DSP: variants seen among roughly 807,000 people sequenced by gnomAD.
The protein encoded by DSP is desmoplakin, also known as 250/210 kDa paraneoplastic pemphigus antigen.
DSP carries 114 observed loss-of-function variants against 290.6 expected under a neutral mutation model. The observed-to-expected ratio is 0.39, with a 90% CI of 0.34 to 0.46. The LOEUF is 0.46. Ranked by LOEUF, DSP falls within the 20% of genes least tolerant of loss-of-function variation. The probability of loss-of-function intolerance (pLI) is 0.99; values close to 1 mark genes in which losing one functional copy is unlikely to be tolerated. For synonymous variants in DSP, 1,311 were observed against 1,316.4 expected (o/e 1.00, Z 0.09); for missense variants, 3,230 against 3,495.8 (o/e 0.92, Z 1.92).
intron 1 of DSP, among the ~76,000 whole-genome samples, chr6:7,549,975 T>G (rs1758286371): frequency 6.6e-6 from 1 of 151,998 alleles, no homozygotes; most frequent in Non-Finnish European, 1.5e-5. Flanking sequence ...AATATTTGTC[T>G]TGTTTTTTTG....
intron 11 of DSP, 133 bp from the exon 12 acceptor site, chr6:7,569,053 A>T: frequency 8.4e-7 from 1 of 1,188,170 alleles, no homozygotes; most frequent in Non-Finnish European, 1.2e-6. Flanking sequence ...TATGATGATC[A>T]GCTTCATTTG....
chr6:7,584,093 C>T lies in DSP; in HGVS notation c.6831C>T (p.Ala2277=). Residue 2277 remains alanine, a synonymous_variant, in exon 24 of 24, where the codon GCC becomes GCT. Coordinates refer to ENST00000379802, the MANE Select transcript of DSP (RefSeq NM_004415.4). This position sits in a 1 kb window ranked among gnomAD's most constrained non-coding sequence, Gnocchi z 6.4. ...AACAGAAGCTTGGCATTTATGAGGC[C>T]ATGAAAATTGGCTTAGTCCGACCTG... ...TTKQKLGIYE[A]MKIGLVRPGT... 1 of 1,614,078 alleles carries T rather than the reference C, an allele frequency of 6.2e-7. No homozygotes were observed. The highest frequency in any genetic ancestry group is 8.5e-7 in the Non-Finnish European group (1 of 1,180,016).
intron 20 of DSP, 140 bp downstream of exon 20, chr6:7,577,182 A>G (rs944047244): frequency 9.1e-6 from 6 of 656,584 alleles, no homozygotes; most frequent in Admixed American, 3.3e-5. Flanking sequence ...AACAAACCAT[A>G]AAAATTAAAA....
At position 7,582,855 on chromosome 6, in the gene DSP, A is replaced by T. The variant is rs562015789; in HGVS notation, c.5593A>T (p.Asn1865Tyr). Reference protein sequence around the residue: ...CEKQQIQNDLNQWKTQYSRKE... With the variant: ...CEKQQIQNDLYQWKTQYSRKE... Reference sequence around the variant, plus strand: ...GAAACAGCAAATTCAGAATGACCTGAATCAGTGGAAGACTCAATATTCCCG... The same window carrying T: ...GAAACAGCAAATTCAGAATGACCTGTATCAGTGGAAGACTCAATATTCCCG... The change falls in exon 24 of 24, where the codon AAT becomes TAT. Residue 1865 changes from asparagine to tyrosine, a missense_variant. This residue lies in a region of DSP where 1,714 missense variants were observed against 1,844.5 expected (regional missense o/e 0.93). Coordinates refer to ENST00000379802, the MANE Select transcript of DSP (RefSeq NM_004415.4). This position sits in a 1 kb window ranked among gnomAD's most constrained non-coding sequence, Gnocchi z 4.2. 2.2e-4 allele frequency: 353 copies of T among 1,614,142 alleles called. 1 individual carries two copies. The South Asian group carries it at 3.4e-3, about 16-fold the overall frequency.
rs757986845 is a variant in DSP at position 7,571,419 on chromosome 6, A to T, written c.1738A>T (p.Ile580Leu). ...GCGGCAGGAAGATTACATGAAGACGATAGCCGACCTTGAGTTACATTACCA... is the reference window on the plus strand; with the variant it reads ...GCGGCAGGAAGATTACATGAAGACGTTAGCCGACCTTGAGTTACATTACCA... ...TMRQEDYMKT[I>L]ADLELHYQEF... The change falls in exon 14 of 24, where the codon ATA (isoleucine) becomes TTA (leucine). Residue 580 changes from isoleucine (I) to leucine (L), a missense_variant. Physicochemically the swap from Ile to Leu is conservative, Grantham distance 5. Around this residue, in one of 5 missense-constraint regions of DSP, gnomAD observed 81 missense variants for 130.5 expected, o/e 0.62. Coordinates refer to ENST00000379802, the MANE Select transcript of DSP (RefSeq NM_004415.4). 4 of 1,614,216 alleles carry T rather than the reference A, an allele frequency of 2.5e-6. No homozygotes were observed. The African/African-American group carries it at 5.3e-5, about 22-fold the overall frequency.
At chr6:7,574,047 A>G in intron 15 of DSP, 39 bp from the exon 16 acceptor site, 1 of 1,610,578 alleles carries the variant, frequency 6.2e-7, no homozygotes, top group South Asian at 1.1e-5. Flanking sequence ...AATAAAAAGA[A>G]TCAGCTAAAT....
intron 17 of DSP, 52 bp from the exon 18 acceptor site, chr6:7,575,243 A>G (rs1486038730): frequency 5.6e-5 from 89 of 1,597,828 alleles, no homozygotes; most frequent in Non-Finnish European, 3.9e-5. Context: ...GTAGTGTAGC[A>G]TACAATGGGA....
chr6:7,555,417 G>A (rs1758477785), intron 1 of DSP, among the ~76,000 whole-genome samples: 1 of 151,932 alleles, frequency 6.6e-6, no homozygotes, highest in Admixed American at 6.5e-5. Flanking sequence ...AAATGATTCA[G>A]AAAAAAATAA....
chr6:7,541,715 T>C lies in DSP; in HGVS notation c.-201T>C. 3 of 623,288 alleles carry C rather than the reference T, an allele frequency of 4.8e-6. No homozygotes were observed. The highest frequency in any genetic ancestry group is 3.3e-5 in the Admixed American group (1 of 30,608). The allele number at this position is 623,288 out of a possible 1,614,324, so 38.6% of individuals were successfully genotyped here. On this transcript the variant is annotated 5_prime_UTR_variant, in exon 1 of 24. Transcript: ENST00000379802. Reference sequence around the variant, plus strand: ...CTCCGAGCCACAGCTTTCCTCCCGCTCCTGCCCCCGGCCCGTCGCCGTCTC... The same window carrying C: ...CTCCGAGCCACAGCTTTCCTCCCGCCCCTGCCCCCGGCCCGTCGCCGTCTC...
At chr6:7,542,358 G>A (rs1018884475) in intron 1 of DSP, among the ~76,000 whole-genome samples, 1 of 152,154 alleles carries the variant, frequency 6.6e-6, no homozygotes, top group Admixed American at 6.5e-5. Context: ...TCGGGCCCGC[G>A]CGGGGCTGTC....
rs1554107054 is a variant in DSP at position 7,571,300 on chromosome 6, G to A, written c.1702-83G>A. ...GTGTTGCTTTGAGTCCCATCTAGTG[G>A]GTGGCATTTTTTGGCCAACTCTTCT... On this transcript the variant is annotated intron_variant, in intron 13 of 23. Transcript: ENST00000379802. 21 of 1,363,874 alleles carry A rather than the reference G, an allele frequency of 1.5e-5. No individual in the cohort carries two copies. The South Asian group carries it at 2.4e-4, about 16-fold the overall frequency. 84.5% of individuals were successfully genotyped at this position (1,363,874 alleles called of 1,614,324 possible).
rs572923545 is a variant in DSP, at chr6:7,582,577, C to T, written c.5380-65C>T. 4.9e-4 allele frequency: 667 copies of T among 1,366,378 alleles called. 9 individuals carry two copies. The South Asian group carries it at 6.9e-3, about 14-fold the overall frequency. 84.6% of individuals were successfully genotyped at this position (1,366,378 alleles called of 1,614,324 possible). A position where few individuals can be genotyped will look rare whatever the true frequency, so the allele number is the denominator to read the frequency against. On this transcript the variant is annotated intron_variant, in intron 23 of 23. Coordinates refer to ENST00000379802, the MANE Select transcript of DSP (RefSeq NM_004415.4). This position sits in a 1 kb window ranked among gnomAD's most constrained non-coding sequence, Gnocchi z 4.2. ...ATAGATACACAAAAGAAAGTTAAGTCGTGATAGTAATATGATATGATTCAA... is the reference window on the plus strand; with the variant it reads ...ATAGATACACAAAAGAAAGTTAAGTTGTGATAGTAATATGATATGATTCAA...
chr6:7,584,338 TC>T lies in DSP; in HGVS notation c.7077del (p.Ile2359MetfsTer10). The T allele has an allele frequency of 1.2e-6, 2 of 1,614,096 alleles. No homozygotes were observed. Among genetic ancestry groups the T allele is most frequent in the Non-Finnish European group, 1.7e-6 (2 of 1,180,020 alleles). On this transcript the variant is annotated frameshift_variant, in exon 24 of 24. Coordinates refer to ENST00000379802, the MANE Select transcript of DSP (RefSeq NM_004415.4). LOFTEE classifies it high-confidence loss of function. The surrounding 1 kb of genome is among the most constrained non-coding windows in gnomAD (Gnocchi z 6.4). ...SLFQAMNKEL[I>X]EKGHGIRLLE... ...TTCCAAGCCATGAATAAGGAACTCA[TC>T]GAAAAGGGCCACGGTATTCGCTTAT...
In DSP at chr6:7,582,098, T is replaced by G. The variant is rs1759455678; in HGVS notation, c.5379+529T>G. On this transcript the variant is annotated intron_variant, in intron 23 of 23. Coordinates refer to ENST00000379802, the MANE Select transcript of DSP (RefSeq NM_004415.4). This position sits in a 1 kb window ranked among gnomAD's most constrained non-coding sequence, Gnocchi z 4.2. ...TCCTAACCCTTAATTTAAAAATAAC[T>G]TATTTAACTTCTACAGACAATATTT... is the stretch of plus-strand genomic sequence containing the variant. 6.6e-6 allele frequency among the ~76,000 whole-genome samples: 1 copy of G among 150,956 alleles called. No individual in the cohort carries two copies. The highest frequency in any genetic ancestry group is 1.5e-5 in the Non-Finnish European group (1 of 67,798).
chr6:7,567,124 A>G (rs1422511501), intron 8 of DSP, among the ~76,000 whole-genome samples: 1 of 152,182 alleles, frequency 6.6e-6, no homozygotes, highest in Admixed American at 6.5e-5. Flanking sequence ...TATTTTGACT[A>G]AGACTCCTCA....
intron 1 of DSP, among the ~76,000 whole-genome samples, chr6:7,546,272 G>A (rs944778547): frequency 2.0e-5 from 3 of 152,194 alleles, no homozygotes; most frequent in Non-Finnish European, 4.4e-5. Context: ...CCCAGAGCTC[G>A]AGTGACTCAT....
At chr6:7,571,327 G>C in intron 13 of DSP, 56 bp from the exon 14 acceptor site, 1 of 1,605,074 alleles carries the variant, frequency 6.2e-7, no homozygotes. Flanking sequence ...AACTCTTCTT[G>C]ATTGCATTGT....
rs786204294 is a variant in DSP at position 7,568,522 on chromosome 6, G to A, written c.1352G>A (p.Arg451His). The A allele has an allele frequency of 6.2e-7, 1 of 1,614,078 alleles. No individual in the cohort carries two copies. The stretch of plus-strand genomic sequence containing the variant: ...AAGAAGATTGTACAGCTGAAGCCTC[G>A]TAACCCAGACTACAGAAGCAATAAA... ...KSKKIVQLKP[R>H]NPDYRSNKPI... The change falls in exon 11 of 24, where the codon CGT (arginine) becomes CAT (histidine). Residue 451 changes from arginine to histidine, a missense_variant. Arg to His is a conservative substitution (Grantham distance 29). Transcript: ENST00000379802.
In DSP at chr6:7,569,323, C is replaced by G; in HGVS notation, c.1557C>G (p.Ala519=). The change falls in exon 12 of 24, where the codon GCC becomes GCG. Residue 519 remains alanine (A), a synonymous_variant. Coordinates refer to ENST00000379802, the MANE Select transcript of DSP (RefSeq NM_004415.4). ...TCATCCCTCCTCCGAACCCACTGGC[C>G]GTGGACCTCTCTTGCAAGTAAGTCA... ...GLIIPPPNPL[A]VDLSCKIEQY... The G allele has an allele frequency of 6.2e-7, 1 of 1,614,120 alleles. No individual in the cohort carries two copies. Among genetic ancestry groups the G allele is most frequent in the Non-Finnish European group, 8.5e-7 (1 of 1,180,034 alleles).
Sources: allele counts gnomAD v4.1 joint callset (sites outside exome capture counted in the v4.1 genomes callset), GRCh38; gene constraint gnomAD v4.1.1; regional missense constraint gnomAD v4.1.1; non-coding constraint Gnocchi (gnomAD v3.1); transcripts MANE v1.5; gene names NCBI Gene and HGNC (gene_info 2026-07-23, HGNC 2026-07-21).